Variants in TM4SF4 observed in about 807,000 individuals in gnomAD.
TM4SF4 encodes the protein transmembrane 4 L6 family member 4.
In TM4SF4, 24 loss-of-function variants were observed where a neutral mutation model predicts 24.1. The observed-to-expected ratio is 1.00, with a 90% CI of 0.72 to 1.40. The LOEUF is 1.40. Ranked by LOEUF, TM4SF4 falls within the 40% of genes most tolerant of loss-of-function variation. The probability of loss-of-function intolerance (pLI) is 0.00; values close to 1 mark genes in which losing one functional copy is unlikely to be tolerated. For synonymous variants in TM4SF4, 113 were observed against 97.0 expected (o/e 1.17, Z -0.97); for missense variants, 254 against 254.2 (o/e 1.00, Z 0.01).
In TM4SF4 at chr3:149,502,969, A is replaced by C; in HGVS notation, c.*276A>C. 2.8e-6 allele frequency: 1 copy of C among 353,862 alleles called. No individual in the cohort carries two copies. Among genetic ancestry groups the C allele is most frequent in the African/African-American group, 2.1e-5 (1 of 47,722 alleles). 21.9% of individuals were successfully genotyped at this position (353,862 alleles called of 1,614,324 possible). A position where few individuals can be genotyped will look rare whatever the true frequency, so the allele number is the denominator to read the frequency against. ...CCAACAGGTTCAAAGCATACTTTTC[A>C]TGATTTTTTTATTACAAATGTAAAA... On this transcript the variant is annotated 3_prime_UTR_variant, in exon 5 of 5. Coordinates refer to ENST00000305354, the MANE Select transcript of TM4SF4 (RefSeq NM_004617.4).
Position 149,502,788 on chromosome 3 carries a change from G to A in TM4SF4, c.*95G>A. Reference sequence around the variant, plus strand: ...TTCTTGGAATTATTAATTCCTATCTGCTTCCTAGCTGATAAAGCTTAGAAA... The same window carrying A: ...TTCTTGGAATTATTAATTCCTATCTACTTCCTAGCTGATAAAGCTTAGAAA... On this transcript the variant is annotated 3_prime_UTR_variant, in exon 5 of 5. Transcript: ENST00000305354. 1.1e-6 allele frequency: 1 copy of A among 888,736 alleles called. No homozygotes were observed. The highest frequency in any genetic ancestry group is 1.6e-5 in the South Asian group (1 of 64,254). 55.1% of individuals were successfully genotyped at this position (888,736 alleles called of 1,614,324 possible).
intron 2 of TM4SF4, among the ~76,000 whole-genome samples, chr3:149,480,030 C>G (rs1047900168): frequency 6.6e-6 from 1 of 152,184 alleles, no homozygotes; most frequent in African/African-American, 2.4e-5. Context: ...AATGGCTCTC[C>G]TCTGAGGCAG....
Position 149,498,836 on chromosome 3 carries a change from T to G in TM4SF4, c.516T>G (p.Val172=). The stretch of plus-strand genomic sequence containing the variant: ...TGGTCGTAGGAGGAATCCAGATGGT[T>G]CTCTGCGCCATCCAGGTGGTCAATG... The part of the protein sequence containing the change: ...ILLVVGGIQM[V]LCAIQVVNGL... Residue 172 remains valine, a synonymous_variant, in exon 4 of 5, where the codon GTT becomes GTG. Transcript: ENST00000305354. 6.2e-7 allele frequency: 1 copy of G among 1,613,996 alleles called. No homozygotes were observed. The highest frequency in any genetic ancestry group is 1.1e-5 in the South Asian group (1 of 91,080).
chr3:149,497,313 C>T (rs1158319789), intron 3 of TM4SF4, among the ~76,000 whole-genome samples: 1 of 152,188 alleles, frequency 6.6e-6, no homozygotes, highest in Non-Finnish European at 1.5e-5. Context: ...GTACACAAGG[C>T]ACACAGCTAG....
In TM4SF4 at chr3:149,474,949, T is replaced by C. The variant is rs1733898383; in HGVS notation, c.72T>C (p.Ala24=). The C allele has an allele frequency of 2.5e-6, 4 of 1,614,028 alleles. No individual in the cohort carries two copies. The highest frequency in any genetic ancestry group is 2.5e-6 in the Non-Finnish European group (3 of 1,179,892). ...LIPLAFFGFL[A]NILLFFPGGK... is the part of the protein sequence containing the mutation. ...CCCTTGCTTTTTTTGGCTTCCTGGC[T>C]AACATCCTGTTATTTTTTCCTGGAG... is the stretch of plus-strand genomic sequence containing the variant. The change falls in exon 1 of 5, where the codon GCT becomes GCC. Residue 24 remains alanine, a synonymous_variant. Coordinates refer to ENST00000305354, the MANE Select transcript of TM4SF4 (RefSeq NM_004617.4).
At chr3:149,482,270 T>G (rs905651878) in intron 2 of TM4SF4, among the ~76,000 whole-genome samples, 2 of 152,370 alleles carry the variant, frequency 1.3e-5, no homozygotes, top group Non-Finnish European at 2.9e-5. Flanking sequence ...CAGATCCATC[T>G]GCCTGTAATC....
chr3:149,478,385 T>C (rs752468398), intron 2 of TM4SF4, among the ~76,000 whole-genome samples: 12 of 152,140 alleles, frequency 7.9e-5, no homozygotes, highest in Non-Finnish European at 1.0e-4. Flanking sequence ...CCTCAGGTGA[T>C]CCACCCACCT....
intron 4 of TM4SF4, among the ~76,000 whole-genome samples, 192 bp downstream of exon 4, chr3:149,499,103 A>G (rs972626837): frequency 2.0e-5 from 3 of 152,296 alleles, no homozygotes; most frequent in Non-Finnish European, 4.4e-5. Context: ...GACACATTGC[A>G]TTACTGGAAC....
chr3:149,499,747 TG>T (rs1734382400), intron 4 of TM4SF4, among the ~76,000 whole-genome samples: 1 of 152,174 alleles, frequency 6.6e-6, no homozygotes, highest in Admixed American at 6.5e-5. Context: ...TAGTGGCACA[TG>T]CCTGTAGCTC....
chr3:149,488,821 A>G (rs914796899), intron 3 of TM4SF4, among the ~76,000 whole-genome samples: 5 of 152,194 alleles, frequency 3.3e-5, no homozygotes, highest in African/African-American at 1.2e-4. Flanking sequence ...CCACAGAGTC[A>G]GGAAATATAA....
chr3:149,481,936 G>A (rs1173750810), intron 2 of TM4SF4, among the ~76,000 whole-genome samples: 1 of 152,222 alleles, frequency 6.6e-6, no homozygotes, highest in African/African-American at 2.4e-5. Flanking sequence ...AAGTAAGTGT[G>A]TGTGAGGATA....
chr3:149,481,082 A>C (rs1017386465), intron 2 of TM4SF4, among the ~76,000 whole-genome samples: 5 of 152,088 alleles, frequency 3.3e-5, no homozygotes, highest in Non-Finnish European at 5.9e-5. Flanking sequence ...GGCTGGTCTC[A>C]AACTTCTGAC....
intron 3 of TM4SF4, among the ~76,000 whole-genome samples, chr3:149,489,176 T>C (rs1350299398): frequency 6.6e-6 from 1 of 152,198 alleles, no homozygotes; most frequent in African/African-American, 2.4e-5. Flanking sequence ...TACACTACCA[T>C]GGGGTTGGCT....
chr3:149,496,566 C>A (rs530624541), intron 3 of TM4SF4, among the ~76,000 whole-genome samples: 2 of 152,084 alleles, frequency 1.3e-5, no homozygotes, highest in Non-Finnish European at 2.9e-5. Context: ...GTCGGGAGTT[C>A]GAGACCAGCC....
intron 3 of TM4SF4, among the ~76,000 whole-genome samples, chr3:149,498,218 G>A (rs1385224081): frequency 6.6e-6 from 1 of 152,100 alleles, no homozygotes; most frequent in Admixed American, 6.6e-5. Context: ...GGCTTCAGAT[G>A]GCCACTACAC....
At chr3:149,495,266 C>G (rs966606037) in intron 3 of TM4SF4, 3 of 218,344 alleles carry the variant, frequency 1.4e-5, no homozygotes, top group African/African-American at 7.1e-5. Flanking sequence ...AGTAACATGC[C>G]TTGGTTCAAG....
intron 2 of TM4SF4, 65 bp from the exon 3 acceptor site, chr3:149,487,554 A>G: frequency 6.3e-7 from 1 of 1,588,860 alleles, no homozygotes; most frequent in Non-Finnish European, 8.6e-7. Context: ...CAGGTGGATT[A>G]GGTTTGTTGA....
chr3:149,482,829 C>G (rs1189461394), intron 2 of TM4SF4, among the ~76,000 whole-genome samples: 4 of 152,240 alleles, frequency 2.6e-5, no homozygotes, highest in Non-Finnish European at 4.4e-5. Flanking sequence ...CAGGCATGAG[C>G]CACCAAGCCC....
At chr3:149,477,824 C>T (rs1733958815) in intron 2 of TM4SF4, among the ~76,000 whole-genome samples, 1 of 151,744 alleles carries the variant, frequency 6.6e-6, no homozygotes, top group African/African-American at 2.4e-5. Context: ...GAATTATAAT[C>T]CCATTATATG....
Sources: gnomAD v4.1 joint callset for allele counts (sites outside exome capture counted in the v4.1 genomes callset) on GRCh38, gnomAD v4.1.1 for gene constraint, MANE v1.5 for transcripts, NCBI Gene and HGNC (gene_info 2026-07-23, HGNC 2026-07-21) for gene names.